Variants in PPM1E observed in about 807,000 individuals in gnomAD.
PPM1E encodes protein phosphatase 1E.
In PPM1E, 20 loss-of-function variants were observed where a neutral mutation model predicts 65.9. The observed-to-expected ratio is 0.30, with a 90% CI of 0.21 to 0.44. The LOEUF is 0.44. PPM1E is among the 20% of genes least tolerant of loss of function. The pLI, the probability that PPM1E is intolerant of heterozygous loss-of-function variation, is 1.00. For synonymous variants in PPM1E, 352 were observed against 374.9 expected (o/e 0.94, Z 0.70); for missense variants, 713 against 953.1 (o/e 0.75, Z 3.32).
intron 1 of PPM1E, among the ~76,000 whole-genome samples, chr17:58,787,386 T>G (rs2144233545): frequency 1.3e-5 from 2 of 152,224 alleles, no homozygotes; most frequent in South Asian, 4.2e-4. Flanking sequence ...TTCTTTTTTT[T>G]CTTTTCTTCT....
At chr17:58,878,912 A>G (rs2051158425) in intron 1 of PPM1E, among the ~76,000 whole-genome samples, 1 of 151,992 alleles carries the variant, frequency 6.6e-6, no homozygotes, top group Non-Finnish European at 1.5e-5. Context: ...CTCTAAAAAA[A>G]AAAAAGAAAA....
intron 1 of PPM1E, among the ~76,000 whole-genome samples, chr17:58,826,269 C>CCTGGCAGCCTGGGCA: frequency 6.7e-6 from 1 of 148,698 alleles, no homozygotes; most frequent in African/African-American, 2.5e-5. Flanking sequence ...TGCACTCCAG[C>CCTGGCAGCCTGGGCA]CTGGCAGCCT....
chr17:58,805,169 A>C (rs901914519), intron 1 of PPM1E, among the ~76,000 whole-genome samples: 1 of 152,106 alleles, frequency 6.6e-6, no homozygotes, highest in African/African-American at 2.4e-5. Context: ...TGGTTACATG[A>C]ATAAGATCTT....
chr17:58,780,610 G>A lies in PPM1E; in HGVS notation c.464+24149G>A, dbSNP rs569919486. 6.1e-4 allele frequency among the ~76,000 whole-genome samples: 93 copies of A among 152,022 alleles called. 1 individual carries two copies. Among genetic ancestry groups the A allele is most frequent in the Non-Finnish European group, 1.0e-3 (71 of 68,000 alleles). On this transcript the variant is annotated intron_variant, in intron 1 of 6. Coordinates refer to ENST00000308249, the MANE Select transcript of PPM1E (RefSeq NM_014906.5). Reference sequence around the variant, plus strand: ...TTTGTATTTTTATTATAGATTTGTGGGAAATCTTTATGTATTATGGATATT... The same window carrying A: ...TTTGTATTTTTATTATAGATTTGTGAGAAATCTTTATGTATTATGGATATT...
intron 1 of PPM1E, among the ~76,000 whole-genome samples, chr17:58,828,977 A>C (rs906193342): frequency 1.3e-5 from 2 of 152,112 alleles, no homozygotes; most frequent in Non-Finnish European, 2.9e-5. Context: ...TAATGTTTAC[A>C]TTGTTTGAAT....
At chr17:58,843,143 CG>C (rs1159868549) in intron 1 of PPM1E, among the ~76,000 whole-genome samples, 3 of 151,352 alleles carry the variant, frequency 2.0e-5, no homozygotes, top group Non-Finnish European at 4.4e-5. Flanking sequence ...AAAAATTAGT[CG>C]GGCATGGTGG....
chr17:58,908,989 AT>A (rs1567871967), intron 1 of PPM1E, among the ~76,000 whole-genome samples: 1 of 152,172 alleles, frequency 6.6e-6, no homozygotes, highest in African/African-American at 2.4e-5. Context: ...GCATAATCAA[AT>A]GTATTGTTGC....
chr17:58,756,585 C>G, intron 1 of PPM1E, 124 bp downstream of exon 1: 4 of 1,149,594 alleles, frequency 3.5e-6, no homozygotes, highest in Non-Finnish European at 4.4e-6. Context: ...CCGCGCCTGC[C>G]GCCGCTGAAA....
At chr17:58,828,651 A>G (rs1020564906) in intron 1 of PPM1E, among the ~76,000 whole-genome samples, 6 of 151,978 alleles carry the variant, frequency 3.9e-5, no homozygotes, top group South Asian at 2.1e-4. Flanking sequence ...TTTAATAGAG[A>G]CAGGGTTTCT....
chr17:58,775,776 C>T (rs936348681), intron 1 of PPM1E, among the ~76,000 whole-genome samples: 3 of 149,730 alleles, frequency 2.0e-5, no homozygotes, highest in East Asian at 2.0e-4. Context: ...TAGCCGGGCG[C>T]GGTGGCGGGC....
intron 1 of PPM1E, among the ~76,000 whole-genome samples, chr17:58,862,212 C>A: frequency 6.6e-6 from 1 of 152,158 alleles, no homozygotes; most frequent in East Asian, 1.9e-4. Flanking sequence ...TTAGGCTAAG[C>A]AAAACCAGTG....
intron 1 of PPM1E, among the ~76,000 whole-genome samples, chr17:58,909,924 CTTTTTTTTT>C (rs35833275): frequency 2.2e-4 from 20 of 90,038 alleles, no homozygotes; most frequent in Non-Finnish European, 2.1e-5. Flanking sequence ...TTTTCTTTTT[CTTTTTTTTT>C]TTTTTTTTTT....
chr17:58,895,603 T>C (rs542064715), intron 1 of PPM1E, among the ~76,000 whole-genome samples: 1 of 151,894 alleles, frequency 6.6e-6, no homozygotes, highest in South Asian at 2.1e-4. Context: ...GCCCAGGAGT[T>C]TGTGACCAGT....
chr17:58,830,674 A>AT lies in PPM1E; in HGVS notation c.464+74222dup, dbSNP rs537789190. 1.3e-3 allele frequency among the ~76,000 whole-genome samples: 190 copies of AT among 149,302 alleles called. 3 individuals are homozygous for AT. In the South Asian group the frequency reaches 0.025, roughly 20 times the overall value. ...AACCTATTTGTATGTGGTTTACTTT[A>AT]TTTTTTTTTATTTTTTATTATTATT... On this transcript the variant is annotated intron_variant, in intron 1 of 6. Transcript: ENST00000308249.
intron 1 of PPM1E, among the ~76,000 whole-genome samples, chr17:58,775,534 G>A (rs775840792): frequency 4.6e-5 from 7 of 152,076 alleles, no homozygotes; most frequent in Non-Finnish European, 1.0e-4. Flanking sequence ...AACAAATTCA[G>A]CCTATATCTA....
intron 1 of PPM1E, among the ~76,000 whole-genome samples, chr17:58,896,117 A>G (rs1273275266): frequency 8.4e-6 from 1 of 119,184 alleles, no homozygotes; most frequent in Non-Finnish European, 1.8e-5. Flanking sequence ...TCTGTCTCAA[A>G]AAAAAAAGAA....
At chr17:58,825,862 A>G (rs933284672) in intron 1 of PPM1E, among the ~76,000 whole-genome samples, 1 of 152,090 alleles carries the variant, frequency 6.6e-6, no homozygotes, top group Non-Finnish European at 1.5e-5. Context: ...GAGCCACCGC[A>G]CGCAGCCCCA....
chr17:58,874,437 A>G (rs1275937354), intron 1 of PPM1E, among the ~76,000 whole-genome samples: 1 of 152,214 alleles, frequency 6.6e-6, no homozygotes, highest in Admixed American at 6.5e-5. Context: ...TTATAATTTT[A>G]TGGAAGAATA....
At chr17:58,955,885 T>A in intron 2 of PPM1E, 118 bp downstream of exon 2, 2 of 1,226,632 alleles carry the variant, frequency 1.6e-6, no homozygotes, top group Non-Finnish European at 2.2e-6. Context: ...GTTGTTTATG[T>A]AGTGGTAGCA....
Sources: allele counts gnomAD v4.1 joint callset (sites outside exome capture counted in the v4.1 genomes callset), GRCh38; gene constraint gnomAD v4.1.1; transcripts MANE v1.5; gene names NCBI Gene and HGNC (gene_info 2026-07-23, HGNC 2026-07-21).